ARID2: variants seen among roughly 807,000 people sequenced by gnomAD.
ARID2 encodes AT-rich interaction domain 2.
ARID2 carries 32 observed loss-of-function variants against 184.6 expected under a neutral mutation model. The observed-to-expected ratio is 0.17, with a 90% CI of 0.13 to 0.23. ARID2 has a LOEUF of 0.23. Ranked by LOEUF, ARID2 falls within the 10% of genes least tolerant of loss-of-function variation. The pLI, the probability that ARID2 is intolerant of heterozygous loss-of-function variation, is 1.00. For missense variants in ARID2, 1,696 were observed against 2,197.6 expected (o/e 0.77, Z 4.56); for synonymous variants, 836 against 772.6 (o/e 1.08, Z -1.36).
intron 3 of ARID2, among the ~76,000 whole-genome samples, chr12:45,781,820 T>C (rs538475874): frequency 7.4e-4 from 113 of 152,336 alleles, no homozygotes; most frequent in African/African-American, 2.5e-3. Flanking sequence ...ATACTTTAAG[T>C]GCTCTTAGCT....
At chr12:45,840,809 T>C (rs887923055) in intron 11 of ARID2, 9 of 152,194 alleles carry the variant, frequency 5.9e-5, no homozygotes, top group Non-Finnish European at 1.3e-4. Flanking sequence ...ATGTAATAAG[T>C]ATCACATATT....
At chr12:45,796,704 G>T (rs1425368506) in intron 3 of ARID2, among the ~76,000 whole-genome samples, 1 of 151,986 alleles carries the variant, frequency 6.6e-6, no homozygotes, top group African/African-American at 2.4e-5. Flanking sequence ...AGTAAAGATG[G>T]GGTTTACCAC....
intron 3 of ARID2, among the ~76,000 whole-genome samples, chr12:45,788,794 T>C (rs1942241619): frequency 6.6e-6 from 1 of 152,182 alleles, no homozygotes; most frequent in Non-Finnish European, 1.5e-5. Flanking sequence ...GGAAAATAAA[T>C]TTAAACATAA....
chr12:45,830,283 A>C (rs1205303128), intron 6 of ARID2, among the ~76,000 whole-genome samples: 1 of 151,834 alleles, frequency 6.6e-6, no homozygotes, highest in Non-Finnish European at 1.5e-5. Context: ...TTCTTCCACT[A>C]CTCTATTGCA....
intron 3 of ARID2, among the ~76,000 whole-genome samples, chr12:45,742,038 T>C (rs559894098): frequency 6.6e-6 from 1 of 152,324 alleles, no homozygotes; most frequent in Admixed American, 6.5e-5. Context: ...TACAATAGTA[T>C]ATATGTTCAT....
chr12:45,853,076 A>G (rs192107231), intron 15 of ARID2, among the ~76,000 whole-genome samples, 180 bp downstream of exon 15: 205 of 152,326 alleles, frequency 1.3e-3, no homozygotes, highest in Middle Eastern at 0.01. Context: ...ATTTTAGCAC[A>G]TGATTTAAAG....
At chr12:45,730,643 G>C (rs1183177197) in intron 2 of ARID2, among the ~76,000 whole-genome samples, 1 of 151,970 alleles carries the variant, frequency 6.6e-6, no homozygotes, top group Admixed American at 6.6e-5. Context: ...CCCGGCAGCC[G>C]GGGGCACAGC....
Position 45,850,331 on chromosome 12 carries a change from A to C in ARID2, c.2208A>C (p.Gly736=). The C allele has an allele frequency of 6.2e-7, 1 of 1,614,034 alleles. No homozygotes were observed. ...TGVPVSIAVG[G]GPPQSSVVQN... ...TTCCTGTTAGTATTGCTGTTGGAGG[A>C]GGACCTCCACAGAGTTCTGTTGTTC... Residue 736 remains glycine (G), a synonymous_variant, in exon 15 of 21, where the codon GGA becomes GGC. Coordinates refer to ENST00000334344, the MANE Select transcript of ARID2 (RefSeq NM_152641.4).
chr12:45,768,288 C>G (rs1941808481), intron 3 of ARID2, among the ~76,000 whole-genome samples: 1 of 151,986 alleles, frequency 6.6e-6, no homozygotes. Context: ...ATTTCTTACT[C>G]ATGGTACAGA....
chr12:45,858,376 G>A (rs1053695462), intron 15 of ARID2, among the ~76,000 whole-genome samples: 24 of 152,140 alleles, frequency 1.6e-4, no homozygotes, highest in African/African-American at 5.8e-4. Flanking sequence ...AAGAAAGAAA[G>A]AAAGAAACTT....
intron 3 of ARID2, among the ~76,000 whole-genome samples, chr12:45,748,379 A>T (rs1448868859): frequency 2.0e-5 from 3 of 152,168 alleles, no homozygotes; most frequent in Non-Finnish European, 2.9e-5. Context: ...TGGACAATAG[A>T]ATGATACCTT....
At chr12:45,841,061 T>G (rs759618449) in intron 11 of ARID2, 6 of 152,194 alleles carry the variant, frequency 3.9e-5, no homozygotes, top group Non-Finnish European at 4.4e-5. Flanking sequence ...GAAATGAAAC[T>G]GTTCATATTG....
chr12:45,729,894 C>T lies in ARID2; in HGVS notation c.58C>T (p.Leu20=). ...PDERRKGLAF[L]DELRQFHHSR... The stretch of plus-strand genomic sequence containing the variant: ...CGAGCGGAGAAAGGGACTCGCTTTC[C>T]TGGACGAGCTGCGGCAGTTCCACCA... Residue 20 remains leucine, a synonymous_variant, in exon 1 of 21, where the codon CTG becomes TTG. Coordinates refer to ENST00000334344, the MANE Select transcript of ARID2 (RefSeq NM_152641.4). 6.2e-7 allele frequency: 1 copy of T among 1,611,208 alleles called. No homozygotes were observed. Among genetic ancestry groups the T allele is most frequent in the Admixed American group, 1.7e-5 (1 of 59,870 alleles).
At position 45,906,159 on chromosome 12, in the gene ARID2, A is replaced by G. The variant is rs746942542; in HGVS notation, c.*1081A>G. ...TGTATTTGTAAATTGGTTTAAATAC[A>G]TGGAATTTTATACAGGTTTTCTCCT... is the stretch of plus-strand genomic sequence containing the variant. On this transcript the variant is annotated 3_prime_UTR_variant, in exon 21 of 21. Coordinates refer to ENST00000334344, the MANE Select transcript of ARID2 (RefSeq NM_152641.4). 1.1e-3 allele frequency: 256 copies of G among 232,666 alleles called. 1 individual carries two copies. The highest frequency in any genetic ancestry group is 1.9e-3 in the Non-Finnish European group (220 of 117,566). 14.4% of individuals were successfully genotyped at this position (232,666 alleles called of 1,614,324 possible).
chr12:45,828,455 A>T (rs899808634), intron 6 of ARID2, among the ~76,000 whole-genome samples: 1 of 152,088 alleles, frequency 6.6e-6, no homozygotes, highest in Non-Finnish European at 1.5e-5. Flanking sequence ...AAATATATGC[A>T]TGCATTTTTG....
intron 16 of ARID2, among the ~76,000 whole-genome samples, chr12:45,873,847 G>A (rs1399044480): frequency 6.6e-6 from 1 of 152,158 alleles, no homozygotes; most frequent in African/African-American, 2.4e-5. Flanking sequence ...GTCTTGCCTC[G>A]ATATTGATGG....
At chr12:45,894,882 C>A (rs1944349797) in intron 20 of ARID2, among the ~76,000 whole-genome samples, 1 of 151,772 alleles carries the variant, frequency 6.6e-6, no homozygotes, top group Non-Finnish European at 1.5e-5. Flanking sequence ...TGAAACTAAG[C>A]CACATGCAAG....
rs1386263093 is a variant in ARID2 at position 45,836,642 on chromosome 12, A to G, written c.759A>G (p.Arg253=). 11 of 1,610,622 alleles carry G rather than the reference A, an allele frequency of 6.8e-6. No individual in the cohort carries two copies. The highest frequency in any genetic ancestry group is 1.1e-5 in the South Asian group (1 of 89,980). ...AAGTTCGTGACCTCATTTCTGACAG[A>G]AACAAGTCTCATGGTAAGTTAGTGA... ...DNEVRDLISD[R]NKSHEGTSGE... Residue 253 remains arginine (R), a synonymous_variant, in exon 7 of 21, where the codon AGA becomes AGG. Coordinates refer to ENST00000334344, the MANE Select transcript of ARID2 (RefSeq NM_152641.4).
At chr12:45,861,769 A>G (rs1943753895) in intron 16 of ARID2, among the ~76,000 whole-genome samples, 2 of 149,520 alleles carry the variant, frequency 1.3e-5, no homozygotes, top group African/African-American at 4.9e-5. Flanking sequence ...TTTTTTTTTC[A>G]CCACGTTGGC....
Sources: gnomAD v4.1 joint callset for allele counts (sites outside exome capture counted in the v4.1 genomes callset) on GRCh38, gnomAD v4.1.1 for gene constraint, MANE v1.5 for transcripts, NCBI Gene and HGNC (gene_info 2026-07-23, HGNC 2026-07-21) for gene names.